TRAPPC9: variants seen among roughly 807,000 people sequenced by gnomAD.
TRAPPC9 encodes the protein IKK2 binding protein.
A neutral mutation model predicts 124.0 loss-of-function variants in TRAPPC9; 83 were observed. The ratio of observed to expected loss-of-function variants is 0.67; its 90% confidence interval spans 0.56 to 0.80. The LOEUF (loss-of-function observed/expected upper bound fraction) is 0.80. TRAPPC9 is among the 30% of genes least tolerant of loss of function. The pLI, the probability that TRAPPC9 is intolerant of heterozygous loss-of-function variation, is 0.00. For missense variants in TRAPPC9, 1,302 were observed against 1,508.3 expected (o/e 0.86, Z 2.27); for synonymous variants, 638 against 617.5 (o/e 1.03, Z -0.49).
At chr8:139,833,355 T>C (rs1351513164) in intron 21 of TRAPPC9, among the ~76,000 whole-genome samples, 1 of 152,208 alleles carries the variant, frequency 6.6e-6, no homozygotes, top group Non-Finnish European at 1.5e-5. Flanking sequence ...CTCCAGAGAA[T>C]GTCCCTCCTA....
chr8:140,037,573 CCA>C (rs1297756166), intron 17 of TRAPPC9, among the ~76,000 whole-genome samples: 1 of 151,280 alleles, frequency 6.6e-6, no homozygotes, highest in Non-Finnish European at 1.5e-5. Context: ...CAAACACATA[CCA>C]CACACACACA....
chr8:140,174,068 G>A (rs574688662), intron 17 of TRAPPC9, among the ~76,000 whole-genome samples: 2 of 152,254 alleles, frequency 1.3e-5, no homozygotes, highest in Admixed American at 1.3e-4. Context: ...GGGGGTAAAG[G>A]GCAAGAAGAA....
At chr8:140,210,204 G>A (rs1366863097) in intron 17 of TRAPPC9, among the ~76,000 whole-genome samples, 1 of 152,230 alleles carries the variant, frequency 6.6e-6, no homozygotes, top group Non-Finnish European at 1.5e-5. Flanking sequence ...CTGGCCCAGG[G>A]CCGAGCCTGC....
intron 8 of TRAPPC9, 44 bp downstream of exon 8, chr8:140,370,920 A>G: frequency 6.2e-7 from 1 of 1,605,940 alleles, no homozygotes; most frequent in Admixed American, 1.7e-5. Flanking sequence ...TGTGACCATC[A>G]GACAGAAAGC....
At chr8:140,446,042 C>CGGG (rs1311968275) in intron 2 of TRAPPC9, among the ~76,000 whole-genome samples, 2 of 152,190 alleles carry the variant, frequency 1.3e-5, no homozygotes, top group Non-Finnish European at 2.9e-5. Flanking sequence ...CCTATAATCC[C>CGGG]AGCACTTTGG....
intron 19 of TRAPPC9, among the ~76,000 whole-genome samples, chr8:139,962,706 C>T (rs1204310986): frequency 1.6e-5 from 2 of 124,298 alleles, no homozygotes; most frequent in Non-Finnish European, 3.8e-5. Flanking sequence ...CACAGCAGGA[C>T]CCAAAGAGCT....
intron 21 of TRAPPC9, among the ~76,000 whole-genome samples, chr8:139,800,446 G>A (rs984147495): frequency 2.0e-5 from 3 of 152,238 alleles, no homozygotes; most frequent in African/African-American, 2.4e-5. Context: ...TGGTGGGTCC[G>A]TGCAGAGGCA....
chr8:140,058,260 G>A (rs749513182), intron 17 of TRAPPC9, among the ~76,000 whole-genome samples: 10 of 152,126 alleles, frequency 6.6e-5, no homozygotes, highest in Non-Finnish European at 1.3e-4. Context: ...GGAGGTTATA[G>A]ACACTACGGT....
At chr8:140,074,077 C>A (rs902564523) in intron 17 of TRAPPC9, among the ~76,000 whole-genome samples, 1 of 152,144 alleles carries the variant, frequency 6.6e-6, no homozygotes, top group Admixed American at 6.5e-5. Context: ...AGGTCTTTAC[C>A]GTCACAGACA....
intron 17 of TRAPPC9, among the ~76,000 whole-genome samples, chr8:140,132,161 T>C (rs1394224706): frequency 6.6e-6 from 1 of 152,214 alleles, no homozygotes; most frequent in East Asian, 1.9e-4. Context: ...GGGTAGTGAC[T>C]GATGGGGACT....
intron 17 of TRAPPC9, among the ~76,000 whole-genome samples, chr8:140,185,175 G>C (rs4634618): frequency 0.18 from 27,130 of 152,140 alleles, 3,234 homozygotes; most frequent in East Asian, 0.64. Flanking sequence ...GAAGACATGG[G>C]AAGCATCCAA....
At chr8:139,967,151 G>C (rs1835758052) in intron 19 of TRAPPC9, among the ~76,000 whole-genome samples, 1 of 152,172 alleles carries the variant, frequency 6.6e-6, no homozygotes, top group East Asian at 1.9e-4. Context: ...TGACTTGTTT[G>C]ACTGAGAGCA....
intron 7 of TRAPPC9, among the ~76,000 whole-genome samples, chr8:140,383,757 G>T (rs567524930): frequency 6.6e-5 from 10 of 152,276 alleles, no homozygotes; most frequent in Admixed American, 2.6e-4. Flanking sequence ...TTATCCACAA[G>T]AACTTCCCCA....
At chr8:140,336,044 CTG>C (rs2132030057) in intron 9 of TRAPPC9, among the ~76,000 whole-genome samples, 1 of 152,220 alleles carries the variant, frequency 6.6e-6, no homozygotes, top group East Asian at 1.9e-4. Context: ...CAATGACTCA[CTG>C]TGTAATTCCT....
chr8:139,866,381 C>A (rs1457391087), intron 21 of TRAPPC9, among the ~76,000 whole-genome samples: 7 of 152,164 alleles, frequency 4.6e-5, no homozygotes, highest in Admixed American at 3.9e-4. Flanking sequence ...GGTTGATGCA[C>A]CCCGTGTGAG....
At chr8:140,000,374 A>T (rs1403761788) in intron 18 of TRAPPC9, among the ~76,000 whole-genome samples, 18 of 152,176 alleles carry the variant, frequency 1.2e-4, no homozygotes, top group South Asian at 4.1e-4. Flanking sequence ...AAGCCAAAAT[A>T]GACAAATGGG....
intron 17 of TRAPPC9, among the ~76,000 whole-genome samples, chr8:140,090,299 C>T (rs1844478237): frequency 6.6e-6 from 1 of 152,120 alleles, no homozygotes; most frequent in Non-Finnish European, 1.5e-5. Flanking sequence ...GTTCACCTGG[C>T]ACCAGACACT....
chr8:140,005,765 A>AG (rs1307917351), intron 18 of TRAPPC9, among the ~76,000 whole-genome samples: 1 of 152,062 alleles, frequency 6.6e-6, no homozygotes, highest in African/African-American at 2.4e-5. Flanking sequence ...GAAAGGTCTT[A>AG]GCCAGCCATG....
At chr8:139,791,291 CAG>C (rs1822645307) in intron 21 of TRAPPC9, among the ~76,000 whole-genome samples, 2 of 151,318 alleles carry the variant, frequency 1.3e-5, no homozygotes, top group Non-Finnish European at 2.9e-5. Context: ...CTCCCCTGCA[CAG>C]ACTCTCACAC....
Sources: gnomAD v4.1 joint callset for allele counts (sites outside exome capture counted in the v4.1 genomes callset) on GRCh38, gnomAD v4.1.1 for gene constraint, MANE v1.5 for transcripts, NCBI Gene and HGNC (gene_info 2026-07-23, HGNC 2026-07-21) for gene names.